The following ZMYM2 variants were observed in gnomAD, a reference collection of about 807,000 sequenced individuals.
ZMYM2 encodes the protein zinc finger MYM-type containing 2, also known as zinc finger MYM-type protein 2.
In ZMYM2, 56 loss-of-function variants were observed where a neutral mutation model predicts 162.8. That is an observed-to-expected ratio of 0.34 (90% CI 0.28 to 0.43). The LOEUF (loss-of-function observed/expected upper bound fraction) is 0.43. ZMYM2 is among the 20% of genes least tolerant of loss of function. ZMYM2 has a pLI of 1.00. For missense variants in ZMYM2, 1,275 were observed against 1,621.8 expected (o/e 0.79, Z 3.67); for synonymous variants, 510 against 541.6 (o/e 0.94, Z 0.81).
chr13:20,034,488 C>A, intron 11 of ZMYM2, 84 bp downstream of exon 11: 1 of 1,271,860 alleles, frequency 7.9e-7, no homozygotes. Context: ...AGTGGCTGCA[C>A]AATTTTAATG....
Position 20,005,371 on chromosome 13 carries a change from C to T in ZMYM2, c.1299+132C>T, listed in dbSNP as rs1164101539. 7 of 621,688 alleles carry T rather than the reference C, an allele frequency of 1.1e-5. No individual in the cohort carries two copies. In the Admixed American group the frequency reaches 1.1e-4, roughly 10 times the overall value. 38.5% of individuals were successfully genotyped at this position (621,688 alleles called of 1,614,324 possible). On this transcript the variant is annotated intron_variant, in intron 5 of 24. Coordinates refer to ENST00000610343, the MANE Select transcript of ZMYM2 (RefSeq NM_197968.4). ...ATATAAAGACTATCTTATAAATATC[C>T]TATTATGTAATCTGATTCTCCCATA...
the ZMYM2 span, chr13:19,864,399 G>A: frequency 1.3e-5 from 2 of 155,046 alleles, no homozygotes; most frequent in Admixed American, 6.5e-5. Flanking sequence ...ACTTGTCCCG[G>A]AAGCCCCGAC....
chr13:20,055,797 A>ATTT (rs570651983), intron 14 of ZMYM2, among the ~76,000 whole-genome samples: 1 of 148,520 alleles, frequency 6.7e-6, no homozygotes, highest in Non-Finnish European at 1.5e-5. Flanking sequence ...ATTATGACCA[A>ATTT]TTTTTTTTTT....
At chr13:20,060,074 C>G (rs546575633) in intron 16 of ZMYM2, among the ~76,000 whole-genome samples, 4 of 152,148 alleles carry the variant, frequency 2.6e-5, no homozygotes, top group Non-Finnish European at 5.9e-5. Flanking sequence ...GATGTGAAAT[C>G]TGTGTAGAAG....
intron 6 of ZMYM2, among the ~76,000 whole-genome samples, chr13:20,010,688 T>C (rs1951100985): frequency 6.6e-6 from 1 of 152,178 alleles, no homozygotes; most frequent in Admixed American, 6.5e-5. Flanking sequence ...TTGCCCAGGC[T>C]GGAGTGCAGC....
chr13:20,032,114 G>C (rs944078073), intron 10 of ZMYM2, among the ~76,000 whole-genome samples: 25 of 151,822 alleles, frequency 1.6e-4, no homozygotes, highest in Admixed American at 5.3e-4. Flanking sequence ...CAACTGATCC[G>C]CCCACCTCAG....
At chr13:19,871,102 AAAAC>A in the ZMYM2 span, among the ~76,000 whole-genome samples, 1 of 151,496 alleles carries the variant, frequency 6.6e-6, no homozygotes, top group Non-Finnish European at 1.5e-5. Flanking sequence ...ACAAAAATAG[AAAAC>A]AAAATAAAAT....
intron 7 of ZMYM2, chr13:20,024,413 C>G: frequency 4.7e-6 from 1 of 211,152 alleles, no homozygotes; most frequent in Non-Finnish European, 9.6e-6. Flanking sequence ...AAATAGAAAT[C>G]AAATCCATGA....
chr13:20,088,452 G>C lies in ZMYM2; in HGVS notation c.*2438G>C, dbSNP rs1414024226. 1.0e-5 allele frequency: 2 copies of C among 200,304 alleles called. No individual in the cohort carries two copies. Among genetic ancestry groups the C allele is most frequent in the Non-Finnish European group, 2.1e-5 (2 of 97,148 alleles). The allele number at this position is 200,304 out of a possible 1,614,324, so 12.4% of individuals were successfully genotyped here. On this transcript the variant is annotated 3_prime_UTR_variant, in exon 25 of 25. Coordinates refer to ENST00000610343, the MANE Select transcript of ZMYM2 (RefSeq NM_197968.4). ...TTTATTGAAGATGCTATATTTTTCT[G>C]TTCTGTTTTCTGAAGATTTTGCCAT...
the ZMYM2 span, among the ~76,000 whole-genome samples, chr13:19,885,074 C>T: frequency 6.6e-6 from 1 of 152,140 alleles, no homozygotes; most frequent in African/African-American, 2.4e-5. Context: ...ATACAATCCT[C>T]TAGCTAGACG....
At chr13:19,885,837 A>G in the ZMYM2 span, among the ~76,000 whole-genome samples, 188 of 98,584 alleles carry the variant, frequency 1.9e-3, 1 homozygote, top group African/African-American at 5.6e-3. Context: ...ACAAGAGTGA[A>G]ACTCTGTCTC....
At chr13:19,971,106 T>G (rs1370631138) in intron 2 of ZMYM2, among the ~76,000 whole-genome samples, 1 of 151,612 alleles carries the variant, frequency 6.6e-6, no homozygotes. Context: ...TAGGTAGGGA[T>G]CAAAGCAGAC....
the ZMYM2 span, among the ~76,000 whole-genome samples, chr13:19,943,067 C>T: frequency 2.5e-4 from 38 of 152,048 alleles, no homozygotes; most frequent in African/African-American, 8.9e-4. Context: ...CCATACCGAC[C>T]GACAGCTCTA....
intron 1 of ZMYM2, among the ~76,000 whole-genome samples, chr13:19,959,169 C>CCGGCGGGGCGGCGGGACGGCGGGA (rs1195196616): frequency 6.8e-6 from 1 of 147,732 alleles, no homozygotes; most frequent in African/African-American, 2.5e-5. Flanking sequence ...GGTCGCGGGG[C>CCGGCGGGGCGGCGGGACGGCGGGA]CGGCGGGGCG....
chr13:20,044,581 AT>A (rs752914127), intron 12 of ZMYM2, among the ~76,000 whole-genome samples: 7 of 152,136 alleles, frequency 4.6e-5, no homozygotes, highest in Non-Finnish European at 7.3e-5. Flanking sequence ...ATCTACTTTT[AT>A]AAAGTCAGTC....
chr13:20,087,587 A>T lies in ZMYM2; in HGVS notation c.*1573A>T, dbSNP rs1488491866. The T allele has an allele frequency of 5.4e-6, 1 of 185,134 alleles. No homozygotes were observed. The highest frequency in any genetic ancestry group is 1.1e-5 in the Non-Finnish European group (1 of 87,338). 11.5% of individuals were successfully genotyped at this position (185,134 alleles called of 1,614,324 possible). On this transcript the variant is annotated 3_prime_UTR_variant, in exon 25 of 25. Coordinates refer to ENST00000610343, the MANE Select transcript of ZMYM2 (RefSeq NM_197968.4). Reference sequence around the variant, plus strand: ...ATAAATGTTACAGCACACAAAAGAAATTTTCTCAATTCTGATTTGGAAAAT... The same window carrying T: ...ATAAATGTTACAGCACACAAAAGAATTTTTCTCAATTCTGATTTGGAAAAT...
intron 14 of ZMYM2, among the ~76,000 whole-genome samples, chr13:20,054,090 G>T (rs1429343562): frequency 6.6e-6 from 1 of 152,178 alleles, no homozygotes. Context: ...TGCAGCTGTT[G>T]CCTTTTGTCA....
chr13:19,903,108 A>G, the ZMYM2 span, among the ~76,000 whole-genome samples: 1 of 152,114 alleles, frequency 6.6e-6, no homozygotes, highest in Non-Finnish European at 1.5e-5. Context: ...GTGAGCTGAG[A>G]TGGTGTCATT....
chr13:19,884,862 G>T, the ZMYM2 span, among the ~76,000 whole-genome samples: 138,254 of 151,954 alleles, frequency 0.91, 64,292 homozygotes, highest in Non-Finnish European at 1. Flanking sequence ...TCACAATTGC[G>T]GGTGCGGGTG....
Sources: allele counts gnomAD v4.1 joint callset (sites outside exome capture counted in the v4.1 genomes callset), GRCh38; gene constraint gnomAD v4.1.1; transcripts MANE v1.5; gene names NCBI Gene and HGNC (gene_info 2026-07-23, HGNC 2026-07-21).